Variants in ESR1 observed in about 807,000 individuals in gnomAD.
The protein encoded by ESR1 is estrogen receptor 1.
A neutral mutation model predicts 52.7 loss-of-function variants in ESR1; 12 were observed. That is an observed-to-expected ratio of 0.23 (90% CI 0.15 to 0.37). The LOEUF (loss-of-function observed/expected upper bound fraction) is 0.37. Among genes scored for constraint, ESR1 ranks in the 10% least tolerant of loss-of-function variants. The pLI, the probability that ESR1 is intolerant of heterozygous loss-of-function variation, is 1.00. For synonymous variants in ESR1, 305 were observed against 316.8 expected, an observed-to-expected ratio of 0.96 and a Z score of 0.39; for missense variants, 584 against 779.7, an observed-to-expected ratio of 0.75 and a Z score of 2.99.
In ESR1 at chr6:151,964,500, AT is replaced by A. The variant is rs534843508; in HGVS notation, c.1096+19997del. 2.7e-3 allele frequency among the ~76,000 whole-genome samples: 405 copies of A among 152,108 alleles called. 1 individual carries two copies. Among genetic ancestry groups the A allele is most frequent in the African/African-American group, 8.6e-3 (359 of 41,504 alleles). On this transcript the variant is annotated intron_variant, in intron 4 of 7. Transcript: ENST00000206249. ...TTATTATTATATAGAAAAGCTATGGATTTTTGCATGTTTATTTTGTATGCTT... is the reference window on the plus strand; with the variant it reads ...TTATTATTATATAGAAAAGCTATGGATTTTGCATGTTTATTTTGTATGCTT...
rs183304662 is a variant in ESR1 at position 151,925,910 on chromosome 6, T to C, written c.761-18263T>C. Reference sequence around the variant, plus strand: ...ATCATATAGAATTTTTTCTGTTTTCTTCAAGAAGTAGTTTTATAATTTTGC... The same window carrying C: ...ATCATATAGAATTTTTTCTGTTTTCCTCAAGAAGTAGTTTTATAATTTTGC... On this transcript the variant is annotated intron_variant, in intron 3 of 7. Transcript: ENST00000206249. 3.0e-4 allele frequency among the ~76,000 whole-genome samples: 46 copies of C among 152,300 alleles called. 1 individual carries two copies. In the South Asian group the frequency reaches 5.8e-3, roughly 19 times the overall value.
chr6:151,680,744 C>T (rs918430649), intron 1 of ESR1, among the ~76,000 whole-genome samples: 1 of 152,158 alleles, frequency 6.6e-6, no homozygotes, highest in Non-Finnish European at 1.5e-5. Flanking sequence ...AGAATATAAG[C>T]TTCAGGAGGT....
At chr6:151,725,525 GA>G (rs1781775584) in intron 2 of ESR1, among the ~76,000 whole-genome samples, 2 of 152,308 alleles carry the variant, frequency 1.3e-5, no homozygotes, top group South Asian at 4.1e-4. Context: ...GAGAATTGGT[GA>G]GGCTCCCAGG....
At chr6:152,103,535 G>T (rs1327311663), downstream of ESR1, among the ~76,000 whole-genome samples, 1 of 152,124 alleles carries the variant, frequency 6.6e-6, no homozygotes, top group African/African-American at 2.4e-5. Context: ...CAGAGTTTCG[G>T]CTTCCTTATC....
intron 6 of ESR1, among the ~76,000 whole-genome samples, chr6:152,090,030 T>A (rs571708177): frequency 3.7e-4 from 56 of 152,344 alleles, no homozygotes; most frequent in Non-Finnish European, 3.4e-4. Context: ...AGCCTCGGGC[T>A]GTCCAAACAC....
chr6:151,878,446 C>T (rs1291940011), intron 2 of ESR1, among the ~76,000 whole-genome samples: 3 of 152,050 alleles, frequency 2.0e-5, no homozygotes, highest in Non-Finnish European at 4.4e-5. Flanking sequence ...ATCTGAAGCC[C>T]GTGTATACAG....
chr6:152,085,215 A>T lies in ESR1; in HGVS notation c.1370-9170A>T, dbSNP rs955905842. On this transcript the variant is annotated intron_variant, in intron 6 of 7. Transcript: ENST00000206249. ...CTACTTGAGAGGCTGAGGTGGGAGG[A>T]TTGCTTGAGCGCAGGAGTTTGAGGC... Among the ~76,000 whole-genome samples the T allele has an allele frequency of 2.6e-5, 4 of 152,052 alleles. No individual in the cohort carries two copies. In the East Asian group the frequency reaches 7.7e-4, roughly 29 times the overall value.
chr6:151,903,975 T>G (rs779328875), intron 3 of ESR1, among the ~76,000 whole-genome samples: 1 of 152,228 alleles, frequency 6.6e-6, no homozygotes, highest in African/African-American at 2.4e-5. Context: ...ATATTTGTTA[T>G]TAGTGGTGAG....
rs2047067319 is a variant in ESR1 at position 152,055,961 on chromosome 6, A to G, written c.1236-5030A>G. On this transcript the variant is annotated intron_variant, in intron 5 of 7. Transcript: ENST00000206249. ...AATCCCAATGTTAATTGCAACTTAC[A>G]GTACGTTGTGATGTTTCTGTCTGTA... Among the ~76,000 whole-genome samples, 5 of 152,212 alleles carry G rather than the reference A, an allele frequency of 3.3e-5. No individual in the cohort carries two copies. The South Asian group carries it at 1.0e-3, about 31-fold the overall frequency.
rs139705407 is a variant in ESR1, at chr6:152,098,987, G to T, written c.*21G>T. On this transcript the variant is annotated 3_prime_UTR_variant, in exon 8 of 8. Coordinates refer to ENST00000206249, the MANE Select transcript of ESR1 (RefSeq NM_000125.4). This position sits in a 1 kb window ranked among gnomAD's most constrained non-coding sequence, Gnocchi z 5.1. The stretch of plus-strand genomic sequence containing the variant: ...TCTGAGAGCTCCCTGGCTCCCACAC[G>T]GTTCAGATAATCCCTGCTGCATTTT... 2 of 1,593,022 alleles carry T rather than the reference G, an allele frequency of 1.3e-6. No homozygotes were observed. Among genetic ancestry groups the T allele is most frequent in the South Asian group, 2.2e-5 (2 of 90,520 alleles).
Position 152,035,984 on chromosome 6 carries a change from G to C in ESR1, c.1235+24190G>C, listed in dbSNP as rs147829020. Among the ~76,000 whole-genome samples, 764 of 152,184 alleles carry C rather than the reference G, an allele frequency of 5.0e-3. 5 individuals are homozygous for C. Among genetic ancestry groups the C allele is most frequent in the African/African-American group, 0.018 (730 of 41,520 alleles). ...AAACATAGAAAAATACCTATCTCAG[G>C]GTCGGGAATTAGGTCTTCAACATGG... On this transcript the variant is annotated intron_variant, in intron 5 of 7. Transcript: ENST00000206249.
At chr6:151,734,654 T>G (rs3020344) in intron 2 of ESR1, among the ~76,000 whole-genome samples, 86,397 of 151,616 alleles carry the variant, frequency 0.57, 25,194 homozygotes, top group African/African-American at 0.61. Context: ...AGACAGTCTC[T>G]CTCTGTCACC....
intron 5 of ESR1, among the ~76,000 whole-genome samples, chr6:152,028,297 GCAGGA>G (rs1380382402): frequency 2.0e-5 from 3 of 152,196 alleles, no homozygotes; most frequent in African/African-American, 4.8e-5. Flanking sequence ...GACAGTGGGT[GCAGGA>G]CAGTGGGTGC....
intron 6 of ESR1, among the ~76,000 whole-genome samples, chr6:152,077,980 T>C (rs1392259303): frequency 6.6e-6 from 1 of 152,164 alleles, no homozygotes; most frequent in Non-Finnish European, 1.5e-5. Flanking sequence ...GAAGGCATGA[T>C]TGCTTTTGAA....
intron 5 of ESR1, among the ~76,000 whole-genome samples, chr6:152,046,455 T>TA (rs1284727310): frequency 1.3e-5 from 2 of 152,200 alleles, no homozygotes; most frequent in Non-Finnish European, 2.9e-5. Context: ...AATCAGTACT[T>TA]ATATGCAAGA....
chr6:152,054,858 ATTTGTT>A (rs2046974432), intron 5 of ESR1, among the ~76,000 whole-genome samples: 1 of 152,166 alleles, frequency 6.6e-6, no homozygotes, highest in African/African-American at 2.4e-5. Flanking sequence ...GCTACATACT[ATTTGTT>A]CCTTTACTGA....
intron 1 of ESR1, among the ~76,000 whole-genome samples, chr6:151,657,820 A>G (rs576297677): frequency 6.6e-6 from 1 of 152,044 alleles, no homozygotes; most frequent in Non-Finnish European, 1.5e-5. Flanking sequence ...GTTTTTTTGG[A>G]TGTAAAAAAT....
chr6:151,950,971 T>C (rs956813303), intron 4 of ESR1, among the ~76,000 whole-genome samples: 3 of 151,994 alleles, frequency 2.0e-5, no homozygotes, highest in Non-Finnish European at 4.4e-5. Context: ...TAGTATAGAC[T>C]TGGCTAATCA....
intron 2 of ESR1, among the ~76,000 whole-genome samples, chr6:151,876,933 C>G (rs1253791493): frequency 2.0e-5 from 3 of 151,738 alleles, no homozygotes; most frequent in South Asian, 2.1e-4. Flanking sequence ...TCGGGCCAGT[C>G]TGGTCACATA....
Sources: allele counts gnomAD v4.1 joint callset (sites outside exome capture counted in the v4.1 genomes callset), GRCh38; gene constraint gnomAD v4.1.1; non-coding constraint Gnocchi (gnomAD v3.1); transcripts MANE v1.5; gene names NCBI Gene and HGNC (gene_info 2026-07-23, HGNC 2026-07-21).